Variants in DLGAP1 observed in about 807,000 individuals in gnomAD.
DLGAP1 encodes DLG associated protein 1.
In DLGAP1, 11 loss-of-function variants were observed where a neutral mutation model predicts 90.8. The observed-to-expected ratio is 0.12, with a 90% CI of 0.08 to 0.20. The LOEUF is 0.20. DLGAP1 is among the 10% of genes least tolerant of loss of function. The pLI is 1.00. For missense variants in DLGAP1, 1,050 were observed against 1,333.8 expected, an observed-to-expected ratio of 0.79 and a Z score of 3.31; for synonymous variants, 558 against 540.7, an observed-to-expected ratio of 1.03 and a Z score of -0.44.
intron 1 of DLGAP1, among the ~76,000 whole-genome samples, chr18:4,367,003 G>A (rs1172399623): frequency 7.9e-5 from 1 of 12,622 alleles, no homozygotes; most frequent in Non-Finnish European, 1.5e-4. Flanking sequence ...TCTGTCAATG[G>A]CAAAAAAAAA....
chr18:3,746,026 C>A (rs893246700), intron 5 of DLGAP1, among the ~76,000 whole-genome samples: 1 of 151,978 alleles, frequency 6.6e-6, no homozygotes, highest in Non-Finnish European at 1.5e-5. Flanking sequence ...GAAAATGGGT[C>A]ATGTTAGTAA....
chr18:3,614,162 C>T (rs368602119), intron 7 of DLGAP1, among the ~76,000 whole-genome samples: 22 of 149,714 alleles, frequency 1.5e-4, no homozygotes, highest in Non-Finnish European at 2.7e-4. Context: ...TCAGGCAATC[C>T]GCCCGCCTCG....
intron 4 of DLGAP1, among the ~76,000 whole-genome samples, chr18:3,843,888 G>A (rs1382239180): frequency 6.6e-6 from 1 of 152,130 alleles, no homozygotes; most frequent in Non-Finnish European, 1.5e-5. Flanking sequence ...AAAAATTTTA[G>A]GTGAACCATC....
intron 3 of DLGAP1, among the ~76,000 whole-genome samples, chr18:3,966,070 A>G (rs1191762296): frequency 6.6e-6 from 1 of 152,020 alleles, no homozygotes; most frequent in African/African-American, 2.4e-5. Context: ...ATAATTTTAA[A>G]TAATAAGTGC....
At chr18:4,274,435 G>T (rs529085494) in intron 1 of DLGAP1, among the ~76,000 whole-genome samples, 1 of 152,090 alleles carries the variant, frequency 6.6e-6, no homozygotes, top group Non-Finnish European at 1.5e-5. Flanking sequence ...CTAGTATATG[G>T]TCCATTCTGG....
chr18:4,101,957 T>C lies in DLGAP1; in HGVS notation c.-159+49223A>G, dbSNP rs144716526. Among the ~76,000 whole-genome samples the C allele has an allele frequency of 6.2e-3, 947 of 152,180 alleles. 11 individuals are homozygous for C. The highest frequency in any genetic ancestry group is 0.022 in the African/African-American group (909 of 41,524). ...ATACATATACAAGCAGTTATAGATA[T>C]ATAAAACATTAAAGCAGTCTTTTGT... is the stretch of plus-strand genomic sequence containing the variant. On this transcript the variant is annotated intron_variant, in intron 2 of 12. Coordinates refer to ENST00000315677, the MANE Select transcript of DLGAP1 (RefSeq NM_004746.4).
intron 4 of DLGAP1, among the ~76,000 whole-genome samples, chr18:3,864,688 G>A (rs542268186): frequency 3.3e-5 from 5 of 152,138 alleles, no homozygotes; most frequent in African/African-American, 4.8e-5. Flanking sequence ...ATAGACTTCC[G>A]AAGTCTTACT....
chr18:3,690,097 T>TGG (rs2060840615), intron 7 of DLGAP1, among the ~76,000 whole-genome samples: 1 of 101,688 alleles, frequency 9.8e-6, no homozygotes. Context: ...GGGTGAGGTT[T>TGG]TTTTTTTTTT....
At chr18:4,080,018 A>T (rs9965931) in intron 2 of DLGAP1, among the ~76,000 whole-genome samples, 17,753 of 152,214 alleles carry the variant, frequency 0.12, 1,095 homozygotes, top group Middle Eastern at 0.15. Context: ...GATAAGAATC[A>T]CTAGCTTGTT....
intron 2 of DLGAP1, among the ~76,000 whole-genome samples, chr18:4,093,232 T>C (rs1393450955): frequency 2.6e-5 from 4 of 152,128 alleles, no homozygotes; most frequent in South Asian, 4.1e-4. Flanking sequence ...ATTACAACTA[T>C]TGAATAAGAA....
At chr18:3,967,393 C>A (rs1389388630) in intron 3 of DLGAP1, among the ~76,000 whole-genome samples, 1 of 152,184 alleles carries the variant, frequency 6.6e-6, no homozygotes, top group East Asian at 1.9e-4. Context: ...AACAGTGATT[C>A]TCAAGATGTG....
intron 7 of DLGAP1, among the ~76,000 whole-genome samples, chr18:3,666,394 A>G (rs1478486452): frequency 6.6e-6 from 1 of 152,104 alleles, no homozygotes. Context: ...GATCCTGCCA[A>G]TGTTCTTAGT....
At chr18:3,594,337 C>T (rs1414168718) in intron 7 of DLGAP1, 1 of 148,686 alleles carries the variant, frequency 6.7e-6, no homozygotes, top group Non-Finnish European at 1.5e-5. Context: ...CCACCACTCC[C>T]ACACCCCCCT....
At chr18:4,303,852 T>C (rs998317139) in intron 1 of DLGAP1, among the ~76,000 whole-genome samples, 2 of 152,234 alleles carry the variant, frequency 1.3e-5, no homozygotes, top group African/African-American at 2.4e-5. Context: ...GAATACCTTG[T>C]TGGTCCTGAA....
intron 1 of DLGAP1, among the ~76,000 whole-genome samples, chr18:4,296,763 A>T (rs939420236): frequency 2.6e-5 from 4 of 152,234 alleles, no homozygotes; most frequent in African/African-American, 9.6e-5. Flanking sequence ...TCCTGAGGCC[A>T]GGCTATTGCC....
chr18:3,862,511 T>C (rs1349595651), intron 4 of DLGAP1, among the ~76,000 whole-genome samples: 1 of 150,784 alleles, frequency 6.6e-6, no homozygotes, highest in East Asian at 2.0e-4. Context: ...ACTTGGCTGA[T>C]GGTGAGGGAG....
intron 2 of DLGAP1, among the ~76,000 whole-genome samples, chr18:4,032,743 C>A (rs1045495726): frequency 6.7e-6 from 1 of 150,190 alleles, no homozygotes; most frequent in Non-Finnish European, 1.5e-5. Flanking sequence ...TTTCTGAGCC[C>A]ATGTACTCCC....
intron 1 of DLGAP1, among the ~76,000 whole-genome samples, chr18:4,200,308 T>C (rs1038459478): frequency 1.3e-5 from 2 of 151,938 alleles, no homozygotes; most frequent in South Asian, 2.1e-4. Flanking sequence ...GTTATTCACA[T>C]AGATTCTTTG....
chr18:3,594,451 A>T (rs907513413), intron 7 of DLGAP1: 1 of 150,558 alleles, frequency 6.6e-6, no homozygotes, highest in Non-Finnish European at 1.5e-5. Flanking sequence ...GGAACATCAC[A>T]TCTGTACGTT....
Sources: gnomAD v4.1 joint callset for allele counts (sites outside exome capture counted in the v4.1 genomes callset) on GRCh38, gnomAD v4.1.1 for gene constraint, MANE v1.5 for transcripts, NCBI Gene and HGNC (gene_info 2026-07-23, HGNC 2026-07-21) for gene names.